The following PVRIG variants were observed in gnomAD, a reference collection of about 807,000 sequenced individuals.
PVRIG encodes the protein transmembrane protein PVRIG.
In PVRIG, 16 loss-of-function variants were observed where a neutral mutation model predicts 21.9. That is an observed-to-expected ratio of 0.73 (90% CI 0.50 to 1.11). PVRIG has a LOEUF of 1.11. Among genes scored for constraint, PVRIG ranks in the 50% most tolerant of loss-of-function variants. The pLI, the probability that PVRIG is intolerant of heterozygous loss-of-function variation, is 0.00. For synonymous variants in PVRIG, 190 were observed against 181.0 expected (o/e 1.05, Z -0.40); for missense variants, 435 against 445.7 (o/e 0.98, Z 0.22).
chr7:100,219,490 G>T, intron 1 of PVRIG: 1 of 256,836 alleles, frequency 3.9e-6, no homozygotes, highest in Non-Finnish European at 7.6e-6. Context: ...AGGTGTAAGC[G>T]TGGGACCCAC....
At chr7:100,221,282 CT>C in exon 6 of PVRIG, 1 of 1,475,516 alleles carries the variant, frequency 6.8e-7, no homozygotes. Context: ...GGCTTTCCCC[CT>C]CCCAGGCCTC....
At chr7:100,220,433 C>T (rs1487826205) in exon 3 of PVRIG, 1 of 1,607,666 alleles carries the variant, frequency 6.2e-7, no homozygotes, top group African/African-American at 1.3e-5. Context: ...CCTGGGAGGC[C>T]TGTGGGAGCC....
exon 4 of PVRIG, chr7:100,220,634 G>A (rs551425575): frequency 1.2e-6 from 2 of 1,611,668 alleles, no homozygotes; most frequent in Non-Finnish European, 1.7e-6. Context: ...CTCTTTGGCT[G>A]TGTCTACCTC....
At chr7:100,219,839 A>G in exon 2 of PVRIG, 1 of 1,226,862 alleles carries the variant, frequency 8.2e-7, no homozygotes, top group Non-Finnish European at 1.2e-6. Context: ...TGTGCTCACC[A>G]CCTCTGGGGA....
At chr7:100,219,700 C>T (rs1803076532) in intron 1 of PVRIG, 2 of 610,814 alleles carry the variant, frequency 3.3e-6, no homozygotes, top group Non-Finnish European at 5.9e-6. Flanking sequence ...TGCCCCTCCC[C>T]TGGCCTCCCC....
intron 5 of PVRIG, 28 bp from the exon 5 acceptor site, chr7:100,220,900 C>A: frequency 1.0e-5 from 16 of 1,583,518 alleles, no homozygotes; most frequent in Non-Finnish European, 1.4e-5. Context: ...GCTGTGCAGA[C>A]TCACTTGACC....
chr7:100,221,307 CCTTA>C (rs1467272805), exon 6 of PVRIG: 4 of 1,353,382 alleles, frequency 3.0e-6, no homozygotes, highest in Non-Finnish European at 3.9e-6. Context: ...GGTGTCACCC[CCTTA>C]CTTTAATTCT....
In PVRIG at chr7:100,221,091, G is replaced by A; in HGVS notation, c.821G>A (p.Trp274Ter). ...CACCGGCCCCAGGGCCCTGCCGCCT[G>A]GGCCTCCACACCCATCCCTGCACGT... Residue 274 changes from tryptophan (W) to a stop codon, truncating the protein, a stop_gained, in exon 6 of 6, where the codon TGG becomes TAG. Coordinates refer to ENST00000317271, the Ensembl canonical transcript of PVRIG. LOFTEE classifies it low-confidence loss of function (END_TRUNC). 6.2e-7 allele frequency: 1 copy of A among 1,614,002 alleles called. No individual in the cohort carries two copies. Among genetic ancestry groups the A allele is most frequent in the Non-Finnish European group, 8.5e-7 (1 of 1,179,984 alleles).
exon 6 of PVRIG, chr7:100,221,432 C>T (rs1563029623): frequency 2.1e-6 from 1 of 481,246 alleles, no homozygotes; most frequent in Non-Finnish European, 3.6e-6. Flanking sequence ...TGACAGTTAC[C>T]CCATTTCAGT....
intron 1 of PVRIG, chr7:100,219,411 G>T: frequency 5.1e-6 from 1 of 197,558 alleles, no homozygotes; most frequent in Non-Finnish European, 1.1e-5. Flanking sequence ...GTGCGTTCAG[G>T]GTAGATCAGG....
exon 3 of PVRIG, chr7:100,220,341 C>T: frequency 6.4e-7 from 1 of 1,559,170 alleles, no homozygotes; most frequent in East Asian, 2.4e-5. Flanking sequence ...CAGCATCTCT[C>T]TCATCCTGGA....
At chr7:100,220,639 T>C (rs763944943) in exon 4 of PVRIG, 4 of 1,611,482 alleles carry the variant, frequency 2.5e-6, no homozygotes, top group Non-Finnish European at 3.4e-6. Context: ...TGGCTGTGTC[T>C]ACCTCCTTCA....
exon 3 of PVRIG, chr7:100,220,390 TCTG>T: frequency 1.3e-6 from 2 of 1,587,102 alleles, no homozygotes; most frequent in Non-Finnish European, 1.7e-6. Context: ...AACACCACCT[TCTG>T]CTGCAAGTTT....
chr7:100,220,428 G>A, exon 3 of PVRIG: 3 of 1,606,762 alleles, frequency 1.9e-6, no homozygotes, highest in Non-Finnish European at 2.5e-6. Flanking sequence ...GGGCTCCTGG[G>A]AGGCCTGTGG....
rs1202619241 is a variant in PVRIG at position 100,220,244 on chromosome 7, TG to T, written c.255del (p.Thr86ProfsTer238). On this transcript the variant is annotated frameshift_variant, in exon 3 of 6. Transcript: ENST00000317271. LOFTEE classifies it high-confidence loss of function. ...TGAGCTGGGGGGGCCCCAACGGTGC[TG>T]GGGGGACCACGCTGGCTGTGTTGCA... The T allele has an allele frequency of 1.3e-6, 2 of 1,577,322 alleles. No homozygotes were observed. Among genetic ancestry groups the T allele is most frequent in the South Asian group, 1.2e-5 (1 of 86,734 alleles).
rs769789961 is a variant in PVRIG at position 100,220,909 on chromosome 7, C to T, written c.658-19C>T. 17 of 1,576,714 alleles carry T rather than the reference C, an allele frequency of 1.1e-5. No homozygotes were observed. In the East Asian group the frequency reaches 1.3e-4, roughly 13 times the overall value. On this transcript the variant is annotated intron_variant, in intron 5 of 5. Transcript: ENST00000317271. ...GCCCAAGCTGTGCAGACTCACTTGA[C>T]CCTCCTTCCCCCGCGCAGGCACCAA...
chr7:100,221,208 C>T (rs542788034), exon 6 of PVRIG: 11 of 1,607,030 alleles, frequency 6.8e-6, no homozygotes, highest in Admixed American at 3.3e-5. Flanking sequence ...TTCCCTGACC[C>T]TCGGGGGCCC....
chr7:100,220,609 G>C, exon 4 of PVRIG: 18 of 1,611,864 alleles, frequency 1.1e-5, no homozygotes, highest in Non-Finnish European at 1.4e-5. Context: ...GATCTTGGGG[G>C]TCTCAGGAGT....
chr7:100,220,106 T>C lies in PVRIG; in HGVS notation c.119-8T>C. ...CAACAGCCCACCGACCTTGCTGCTG[T>C]TCCACAGGGACCCCGGAGGTGTGGG... On this transcript the variant is annotated splice_polypyrimidine_tract_variant and splice_region_variant and intron_variant, in intron 2 of 5. Transcript: ENST00000317271. The C allele has an allele frequency of 1.1e-5, 18 of 1,602,268 alleles. No individual in the cohort carries two copies. Among genetic ancestry groups the C allele is most frequent in the Non-Finnish European group, 1.5e-5 (18 of 1,175,282 alleles).
Sources: allele counts gnomAD v4.1 joint callset, GRCh38; gene constraint gnomAD v4.1.1; transcripts MANE v1.5; gene names NCBI Gene and HGNC (gene_info 2026-07-23, HGNC 2026-07-21).